Variants in ZRANB3 observed in about 807,000 individuals in gnomAD.
ZRANB3 encodes the protein DNA annealing helicase and endonuclease ZRANB3.
ZRANB3 carries 125 observed loss-of-function variants against 133.8 expected under a neutral mutation model. The observed-to-expected ratio is 0.93, with a 90% CI of 0.81 to 1.08. ZRANB3 has a LOEUF of 1.08. Ranked by LOEUF, ZRANB3 falls within the 50% of genes least tolerant of loss-of-function variation. The pLI, the probability that ZRANB3 is intolerant of heterozygous loss-of-function variation, is 0.00. For synonymous variants in ZRANB3, 387 were observed against 432.7 expected (o/e 0.89, Z 1.31); for missense variants, 1,229 against 1,275.5 (o/e 0.96, Z 0.56).
chr2:135,385,079 G>C (rs533342825), intron 3 of ZRANB3, among the ~76,000 whole-genome samples: 4 of 152,288 alleles, frequency 2.6e-5, no homozygotes, highest in African/African-American at 9.6e-5. Flanking sequence ...TGACATGATT[G>C]TATATCTAGA....
intron 1 of ZRANB3, among the ~76,000 whole-genome samples, chr2:135,507,348 GAT>G (rs1693235371): frequency 6.6e-6 from 1 of 152,168 alleles, no homozygotes; most frequent in South Asian, 2.1e-4. Context: ...TATAGGGAGA[GAT>G]AGAGAATGGA....
At chr2:135,377,688 T>C (rs372945849) in intron 3 of ZRANB3, among the ~76,000 whole-genome samples, 25 of 152,348 alleles carry the variant, frequency 1.6e-4, no homozygotes, top group Admixed American at 1.5e-3. Flanking sequence ...TACAAATACA[T>C]GATTAAGTAA....
chr2:135,259,129 C>T (rs1679814763), intron 12 of ZRANB3, among the ~76,000 whole-genome samples: 1 of 152,016 alleles, frequency 6.6e-6, no homozygotes, highest in African/African-American at 2.4e-5. Flanking sequence ...AAGCAATCCT[C>T]CCACCTCAGA....
chr2:135,524,156 G>A (rs187804273), intron 1 of ZRANB3, among the ~76,000 whole-genome samples: 84 of 151,592 alleles, frequency 5.5e-4, no homozygotes, highest in Admixed American at 9.2e-4. Flanking sequence ...GCACAATCTC[G>A]GGTCACTGCA....
chr2:135,307,560 C>G (rs1447458809), intron 8 of ZRANB3, among the ~76,000 whole-genome samples: 2 of 152,132 alleles, frequency 1.3e-5, no homozygotes. Context: ...AAGCCCTTGT[C>G]TAATAGTTCT....
chr2:135,226,620 T>A (rs915677561), intron 14 of ZRANB3, among the ~76,000 whole-genome samples: 5 of 152,208 alleles, frequency 3.3e-5, no homozygotes, highest in African/African-American at 1.2e-4. Context: ...AAGTACAAGC[T>A]AACATGTTTT....
At chr2:135,332,765 T>C (rs964401346) in intron 6 of ZRANB3, among the ~76,000 whole-genome samples, 1 of 152,204 alleles carries the variant, frequency 6.6e-6, no homozygotes, top group South Asian at 2.1e-4. Flanking sequence ...CACTATGTCT[T>C]TACTATTGCA....
intron 12 of ZRANB3, among the ~76,000 whole-genome samples, chr2:135,242,500 G>C (rs184587248): frequency 8.6e-5 from 13 of 151,748 alleles, no homozygotes; most frequent in African/African-American, 1.7e-4. Context: ...TGTTACCCAG[G>C]GGGGGCTCAA....
intron 12 of ZRANB3, among the ~76,000 whole-genome samples, chr2:135,239,192 A>G (rs930482040): frequency 1.3e-5 from 2 of 152,330 alleles, no homozygotes; most frequent in Admixed American, 1.3e-4. Flanking sequence ...CTATATAAGA[A>G]AGAATTATAA....
chr2:135,275,506 A>C, intron 9 of ZRANB3, 130 bp downstream of exon 9: 1 of 625,350 alleles, frequency 1.6e-6, no homozygotes, highest in South Asian at 6.1e-5. Context: ...TTTCAAGAAA[A>C]ATGTGTGATA....
intron 8 of ZRANB3, among the ~76,000 whole-genome samples, chr2:135,294,949 G>A (rs1681967037): frequency 6.6e-6 from 1 of 152,184 alleles, no homozygotes; most frequent in African/African-American, 2.4e-5. Context: ...TGATTGCAGT[G>A]TGGTCTGAGA....
chr2:135,275,246 C>T (rs866904514), intron 9 of ZRANB3, among the ~76,000 whole-genome samples: 1,572 of 131,812 alleles, frequency 0.012, 23 homozygotes, highest in African/African-American at 0.04. Context: ...GCTGGCCGGG[C>T]GGGGGCTGCC....
chr2:135,460,153 A>T (rs1690699826), intron 2 of ZRANB3, among the ~76,000 whole-genome samples: 1 of 152,114 alleles, frequency 6.6e-6, no homozygotes, highest in Non-Finnish European at 1.5e-5. Context: ...CAGAATTGCT[A>T]TTTGACAATG....
intron 8 of ZRANB3, among the ~76,000 whole-genome samples, chr2:135,296,512 G>T (rs1354047053): frequency 6.6e-6 from 1 of 151,510 alleles, no homozygotes; most frequent in African/African-American, 2.4e-5. Flanking sequence ...TAACTTCTTT[G>T]CCATTGGCTC....
chr2:135,380,840 A>G (rs1686655357), intron 3 of ZRANB3, among the ~76,000 whole-genome samples: 1 of 152,184 alleles, frequency 6.6e-6, no homozygotes, highest in Non-Finnish European at 1.5e-5. Context: ...AGACAGAAAC[A>G]CAAAACACCC....
At chr2:135,275,571 A>G (rs1680769421) in intron 9 of ZRANB3, 65 bp downstream of exon 9, 1 of 1,367,840 alleles carries the variant, frequency 7.3e-7, no homozygotes, top group Non-Finnish European at 9.6e-7. Flanking sequence ...TGAGACTACA[A>G]CTGATGTTTA....
intron 2 of ZRANB3, among the ~76,000 whole-genome samples, chr2:135,402,192 G>A (rs574402852): frequency 1.3e-5 from 2 of 151,882 alleles, no homozygotes; most frequent in Admixed American, 6.6e-5. Flanking sequence ...AATCACATAC[G>A]AGGACTGCTC....
At chr2:135,303,023 G>A (rs1377386316) in intron 8 of ZRANB3, among the ~76,000 whole-genome samples, 1 of 152,112 alleles carries the variant, frequency 6.6e-6, no homozygotes, top group African/African-American at 2.4e-5. Flanking sequence ...TCAACAGTGA[G>A]ATGTTTAACA....
chr2:135,525,795 C>A (rs1694131090), intron 1 of ZRANB3, among the ~76,000 whole-genome samples: 1 of 149,506 alleles, frequency 6.7e-6, no homozygotes, highest in Admixed American at 6.7e-5. Context: ...TTGCAGTGGG[C>A]CGAGATCACA....
Sources: allele counts gnomAD v4.1 joint callset (sites outside exome capture counted in the v4.1 genomes callset), GRCh38; gene constraint gnomAD v4.1.1; transcripts MANE v1.5; gene names NCBI Gene and HGNC (gene_info 2026-07-23, HGNC 2026-07-21).